The following WBP2NL variants were observed in gnomAD, a reference collection of about 807,000 sequenced individuals.
WBP2NL encodes postacrosomal sheath WW domain-binding protein.
Under a neutral mutation model 23.3 loss-of-function variants are expected in WBP2NL, and 27 were observed. The observed-to-expected ratio is 1.16, with a 90% CI of 0.85 to 1.60. The LOEUF is 1.60. Ranked by LOEUF, WBP2NL falls within the 40% of genes most tolerant of loss-of-function variation. The probability of loss-of-function intolerance (pLI) is 0.00; values close to 1 mark genes in which losing one functional copy is unlikely to be tolerated. For synonymous variants in WBP2NL, 151 were observed against 145.9 expected, an observed-to-expected ratio of 1.03 and a Z score of -0.25; for missense variants, 370 against 389.5, an observed-to-expected ratio of 0.95 and a Z score of 0.42.
At chr22:42,021,555 T>A (rs1011637348) in intron 4 of WBP2NL, among the ~76,000 whole-genome samples, 7 of 152,222 alleles carry the variant, frequency 4.6e-5, no homozygotes, top group African/African-American at 1.7e-4. Context: ...ATAAGAGAGA[T>A]GCAGAGGGGA....
At chr22:42,045,087 T>G (rs28715885) in intron 8 of WBP2NL, among the ~76,000 whole-genome samples, 24,007 of 152,102 alleles carry the variant, frequency 0.16, 2,130 homozygotes, top group Non-Finnish European at 0.21. Context: ...TGTCTCAGTC[T>G]CCCAAAGCAC....
intron 8 of WBP2NL, among the ~76,000 whole-genome samples, chr22:42,038,321 AATCCCACTCTATCATGT>A: frequency 6.6e-6 from 1 of 152,294 alleles, no homozygotes; most frequent in Admixed American, 6.5e-5. Context: ...CCTATGGATA[AATCCCACTCTATCATGT>A]TGTATAATCA....
intron 8 of WBP2NL, among the ~76,000 whole-genome samples, chr22:42,043,525 TTA>T (rs922997808): frequency 2.6e-5 from 4 of 151,884 alleles, no homozygotes; most frequent in Admixed American, 1.3e-4. Flanking sequence ...ACAGTGGCAG[TTA>T]TGTGTGTGTG....
rs1301629021 is a variant in WBP2NL, at chr22:42,019,297, C to T, written c.63-14C>T. 6.2e-7 allele frequency: 1 copy of T among 1,606,474 alleles called. No individual in the cohort carries two copies. Among genetic ancestry groups the T allele is most frequent in the Non-Finnish European group, 8.5e-7 (1 of 1,176,468 alleles). On this transcript the variant is annotated splice_polypyrimidine_tract_variant and intron_variant, in intron 1 of 5. Transcript: ENST00000328823. ...ATTCTTTATTGTGTGCCGTCTGTTC[C>T]TCATTTTCTACAGTCTCTTGAAGCG...
In WBP2NL at chr22:42,001,553, G is replaced by A; in HGVS notation, c.62+2673G>A. ...TTTGCCCACATCAGCTGCTACACGA[G>A]TATGGGCAAAATCAAGAGGGTACAC... On this transcript the variant is annotated intron_variant, in intron 1 of 5. Coordinates refer to ENST00000328823, the MANE Select transcript of WBP2NL (RefSeq NM_152613.3). The A allele has an allele frequency of 2.6e-6, 3 of 1,133,202 alleles. No individual in the cohort carries two copies. The South Asian group carries it at 3.9e-5, about 15-fold the overall frequency. The allele number at this position is 1,133,202 out of a possible 1,614,324, so 70.2% of individuals were successfully genotyped here. A position where few individuals can be genotyped will look rare whatever the true frequency, so the allele number is the denominator to read the frequency against.
At position 42,027,326 on chromosome 22, in the gene WBP2NL, G is replaced by C. The variant is rs1924607765; in HGVS notation, c.*145G>C. 4.7e-6 allele frequency: 5 copies of C among 1,056,746 alleles called. No homozygotes were observed. The East Asian group carries it at 7.9e-5, about 17-fold the overall frequency. The allele number at this position is 1,056,746 out of a possible 1,614,324, so 65.5% of individuals were successfully genotyped here. ...CCTTTGGAAGGGCAATCTTATGGGG[G>C]AAGGTGAAACTTTACTTCTGTGCCT... On this transcript the variant is annotated 3_prime_UTR_variant, in exon 6 of 6. Transcript: ENST00000328823.
In WBP2NL at chr22:42,027,153, C is replaced by T. The variant is rs748378039; in HGVS notation, c.902C>T (p.Ser301Phe). ...QAPENEASLP[S>F]ASSSQVHS ...CCTGAAAACGAGGCTTCTCTTCCCT[C>T]TGCCTCCTCTTCTCAGGTCCATTCT... Residue 301 changes from serine to phenylalanine, a missense_variant, in exon 6 of 6, where the codon TCT (serine) becomes TTT (phenylalanine). Physicochemically the swap from Ser to Phe is radical, Grantham distance 155 (BLOSUM62 -2). Coordinates refer to ENST00000328823, the MANE Select transcript of WBP2NL (RefSeq NM_152613.3). 1.7e-5 allele frequency: 27 copies of T among 1,613,540 alleles called. No individual in the cohort carries two copies. Among genetic ancestry groups the T allele is most frequent in the Admixed American group, 8.4e-5 (5 of 59,840 alleles).
At chr22:41,999,243 GTGGCAGCGTGGC>G (rs1022668451) in intron 1 of WBP2NL, among the ~76,000 whole-genome samples, 3 of 152,258 alleles carry the variant, frequency 2.0e-5, no homozygotes, top group African/African-American at 7.2e-5. Context: ...GGGGCCTTCG[GTGGCAGCGTGGC>G]TGCCCTTGGG....
chr22:42,006,322 G>A (rs889739806), intron 1 of WBP2NL, among the ~76,000 whole-genome samples: 2 of 151,268 alleles, frequency 1.3e-5, no homozygotes, highest in South Asian at 2.1e-4. Flanking sequence ...CCGGGTTCAC[G>A]CCATTCTCCT....
Position 41,998,834 on chromosome 22 carries a change from A to G in WBP2NL, c.16A>G (p.Ser6Gly). MAVNQSHTENRRGALI... is the reference protein window; with the variant it reads MAVNQGHTENRRGALI... Reference sequence around the variant, plus strand: ...CCGAAGCAAGATGGCGGTGAATCAGAGCCACACCGAGAACCGCCGCGGAGC... The same window carrying G: ...CCGAAGCAAGATGGCGGTGAATCAGGGCCACACCGAGAACCGCCGCGGAGC... Residue 6 changes from serine to glycine, a missense_variant, in exon 1 of 6, where the codon AGC becomes GGC. Coordinates refer to ENST00000328823, the MANE Select transcript of WBP2NL (RefSeq NM_152613.3). 5.0e-6 allele frequency: 8 copies of G among 1,611,358 alleles called. No homozygotes were observed. The highest frequency in any genetic ancestry group is 6.8e-6 in the Non-Finnish European group (8 of 1,178,490).
At chr22:42,050,334 A>C (rs1925791596) in intron 8 of WBP2NL, among the ~76,000 whole-genome samples, 1 of 151,862 alleles carries the variant, frequency 6.6e-6, no homozygotes. Flanking sequence ...CTCAATAATT[A>C]AAAAAACAAA....
intron 8 of WBP2NL, among the ~76,000 whole-genome samples, chr22:42,053,415 T>C (rs1925906782): frequency 6.6e-6 from 1 of 152,154 alleles, no homozygotes; most frequent in African/African-American, 2.4e-5. Context: ...CAGTGACTGA[T>C]GACTAACAAT....
chr22:42,005,370 TGGG>T (rs1295583348), intron 1 of WBP2NL, among the ~76,000 whole-genome samples: 1 of 151,502 alleles, frequency 6.6e-6, no homozygotes, highest in African/African-American at 2.4e-5. Flanking sequence ...AAAAATTAGT[TGGG>T]GGTGGTGGTG....
intron 1 of WBP2NL, among the ~76,000 whole-genome samples, chr22:42,017,282 C>T (rs941522273): frequency 6.6e-6 from 1 of 152,112 alleles, no homozygotes; most frequent in Admixed American, 6.6e-5. Context: ...TGCCTGGATA[C>T]TTTTTGTATT....
intron 1 of WBP2NL, among the ~76,000 whole-genome samples, chr22:42,008,764 C>T (rs1309861940): frequency 6.6e-6 from 1 of 151,742 alleles, no homozygotes; most frequent in Non-Finnish European, 1.5e-5. Context: ...CCCACCACCA[C>T]ACCTGGCTAA....
intron 1 of WBP2NL, among the ~76,000 whole-genome samples, chr22:42,015,599 T>C (rs133331): frequency 0.78 from 117,852 of 151,912 alleles, 45,878 homozygotes; most frequent in East Asian, 0.91. Context: ...GATGGGATTT[T>C]GCCATGTTGG....
chr22:42,004,283 A>G (rs1921997852), intron 1 of WBP2NL, among the ~76,000 whole-genome samples: 1 of 151,862 alleles, frequency 6.6e-6, no homozygotes, highest in African/African-American at 2.4e-5. Flanking sequence ...AAATAAGTAA[A>G]TAAATAAAAT....
Position 42,019,766 on chromosome 22 carries a change from A to G in WBP2NL, c.276A>G (p.Ala92=), listed in dbSNP as rs767312222. 4 of 1,614,110 alleles carry G rather than the reference A, an allele frequency of 2.5e-6. No homozygotes were observed. Among genetic ancestry groups the G allele is most frequent in the Non-Finnish European group, 3.4e-6 (4 of 1,180,046 alleles). ...CTGTTGAACAACCAGTATTTGCTGC[A>G]AACTTCATTAAGGGAACTATTCAGG... ...NLTVEQPVFA[A]NFIKGTIQAA... is the part of the protein sequence containing the mutation. Residue 92 remains alanine (A), a synonymous_variant, in exon 3 of 6, where the codon GCA becomes GCG. Transcript: ENST00000328823.
chr22:41,999,278 T>G (rs1296575546), intron 1 of WBP2NL, among the ~76,000 whole-genome samples: 1 of 152,202 alleles, frequency 6.6e-6, no homozygotes, highest in African/African-American at 2.4e-5. Context: ...CCTGCGACTT[T>G]GTTGGATGAG....
Sources: gnomAD v4.1 joint callset for allele counts (sites outside exome capture counted in the v4.1 genomes callset) on GRCh38, gnomAD v4.1.1 for gene constraint, MANE v1.5 for transcripts, NCBI Gene and HGNC (gene_info 2026-07-23, HGNC 2026-07-21) for gene names.